Variants in RFLNA observed in about 807,000 individuals in gnomAD.
RFLNA encodes the protein refilin-A.
RFLNA carries 5 observed loss-of-function variants against 7.8 expected under a neutral mutation model. The ratio of observed to expected loss-of-function variants is 0.64; its 90% CI spans 0.34 to 1.35. The LOEUF (loss-of-function observed/expected upper bound fraction) is 1.35, where lower values mean the gene tolerates loss of function less well. RFLNA is among the 40% of genes most tolerant of loss of function. The pLI is 0.04. For synonymous variants in RFLNA, 141 were observed against 131.3 expected, an observed-to-expected ratio of 1.07 and a Z score of -0.50; for missense variants, 278 against 305.5, an observed-to-expected ratio of 0.91 and a Z score of 0.67.
At position 124,289,553 on chromosome 12, in the gene RFLNA, C is replaced by G. The variant is rs552432658; in HGVS notation, c.-37+183C>G. ...AGAACGTATGCCCAGGTCAAAGGCA[C>G]TTTGAATTCATTTTGTCCCCGCTTC... On this transcript the variant is annotated intron_variant, in intron 1 of 2. Transcript: ENST00000324038. This position sits in a 1 kb window ranked among gnomAD's most constrained non-coding sequence, Gnocchi z 5.0. 6.6e-6 allele frequency among the ~76,000 whole-genome samples: 1 copy of G among 152,328 alleles called. No homozygotes were observed. Among genetic ancestry groups the G allele is most frequent in the African/African-American group, 2.4e-5 (1 of 41,574 alleles).
chr12:124,309,239 C>T (rs748420028), intron 1 of RFLNA, among the ~76,000 whole-genome samples: 3 of 152,186 alleles, frequency 2.0e-5, no homozygotes, highest in Non-Finnish European at 2.9e-5. Flanking sequence ...TGGCACTGCA[C>T]AGGGAAGCAC....
Position 124,289,570 on chromosome 12 carries a change from C to T in RFLNA, c.-37+200C>T, listed in dbSNP as rs1034860582. 5.9e-5 allele frequency among the ~76,000 whole-genome samples: 9 copies of T among 152,228 alleles called. No homozygotes were observed. The highest frequency in any genetic ancestry group is 2.2e-4 in the African/African-American group (9 of 41,456). On this transcript the variant is annotated intron_variant, in intron 1 of 2. Coordinates refer to the RFLNA transcript ENST00000324038. The surrounding 1 kb of genome is among the most constrained non-coding windows in gnomAD (Gnocchi z 5.0). ...CAAAGGCACTTTGAATTCATTTTGT[C>T]CCCGCTTCCCTGTCTTAGTAGGGCA... is the stretch of plus-strand genomic sequence containing the variant.
At chr12:124,312,550 A>G (rs2034264770) in intron 2 of RFLNA, among the ~76,000 whole-genome samples, 1 of 152,002 alleles carries the variant, frequency 6.6e-6, no homozygotes, top group Non-Finnish European at 1.5e-5. Flanking sequence ...GGCTCAAGTG[A>G]TCCTCCTGCC....
chr12:124,304,410 G>T (rs1415347073), intron 1 of RFLNA, among the ~76,000 whole-genome samples: 1 of 150,738 alleles, frequency 6.6e-6, no homozygotes, highest in Non-Finnish European at 1.5e-5. Flanking sequence ...GGACCCTTTG[G>T]CAAATGGTGC....
intron 1 of RFLNA, among the ~76,000 whole-genome samples, chr12:124,304,690 C>A (rs1222340298): frequency 6.6e-6 from 1 of 152,224 alleles, no homozygotes; most frequent in Non-Finnish European, 1.5e-5. Context: ...CCTGGCAGCG[C>A]GTGGGTGGGT....
chr12:124,302,191 A>T (rs574679763), intron 1 of RFLNA, among the ~76,000 whole-genome samples: 1 of 152,336 alleles, frequency 6.6e-6, no homozygotes, highest in Non-Finnish European at 1.5e-5. Flanking sequence ...CTTTCCAAAT[A>T]AGGTGACAGT....
intron 1 of RFLNA, among the ~76,000 whole-genome samples, chr12:124,302,470 C>G (rs995106876): frequency 3.9e-5 from 6 of 152,164 alleles, no homozygotes; most frequent in African/African-American, 1.4e-4. Context: ...GGGATCCCCC[C>G]CAAGCAGACT....
chr12:124,293,612 G>A (rs191425088), upstream of RFLNA, among the ~76,000 whole-genome samples: 420 of 152,272 alleles, frequency 2.8e-3, 10 homozygotes, highest in Admixed American at 0.025. Flanking sequence ...TTCCCAGAAT[G>A]TTCCAAATAT....
intron 1 of RFLNA, among the ~76,000 whole-genome samples, chr12:124,297,755 A>T (rs1008782985): frequency 6.6e-6 from 1 of 152,190 alleles, no homozygotes; most frequent in Non-Finnish European, 1.5e-5. Context: ...TGCTTTCAAT[A>T]AAAGGGAGAA....
intron 2 of RFLNA, among the ~76,000 whole-genome samples, 198 bp from the exon 3 acceptor site, chr12:124,313,994 C>T (rs1446215183): frequency 1.3e-5 from 2 of 152,206 alleles, no homozygotes; most frequent in East Asian, 3.8e-4. Context: ...GTTTAGCTGT[C>T]TCGCCTCTTT....
rs898359357 is a variant in RFLNA at position 124,306,670 on chromosome 12, G to C, written c.208-5148G>C. Among the ~76,000 whole-genome samples, 15 of 152,208 alleles carry C rather than the reference G, an allele frequency of 9.9e-5. No individual in the cohort carries two copies. Among genetic ancestry groups the C allele is most frequent in the Non-Finnish European group, 2.2e-4 (15 of 68,036 alleles). ...TCCACATGTGGAAAATGGGGGTGCT[G>C]CCAGCAGCTGCGTGCTGGGGTTTTT... On this transcript the variant is annotated intron_variant, in intron 1 of 2. Coordinates refer to ENST00000546355, the MANE Select transcript of RFLNA (RefSeq NM_001365156.1). The surrounding 1 kb of genome is among the most constrained non-coding windows in gnomAD (Gnocchi z 5.2).
rs2034251793 is a variant in RFLNA, at chr12:124,311,922, G to A, written c.312G>A (p.Glu104=). The A allele has an allele frequency of 2.0e-6, 3 of 1,538,068 alleles. No homozygotes were observed. Among genetic ancestry groups the A allele is most frequent in the Non-Finnish European group, 2.6e-6 (3 of 1,137,972 alleles). The part of the protein sequence containing the change: ...SIKVNPEPTH[E]IRCNSEVKYA... The stretch of plus-strand genomic sequence containing the variant: ...AGGTGAACCCGGAACCCACGCATGA[G>A]ATCCGGTGAGTGGGCCACTGGGCTC... Residue 104 remains glutamate, a synonymous_variant, in exon 2 of 3, where the codon GAG becomes GAA. Coordinates refer to ENST00000546355, the MANE Select transcript of RFLNA (RefSeq NM_001365156.1).
chr12:124,300,211 A>T (rs777041010), intron 1 of RFLNA, among the ~76,000 whole-genome samples: 3 of 152,208 alleles, frequency 2.0e-5, no homozygotes, highest in Non-Finnish European at 4.4e-5. Flanking sequence ...CCTGGACTGC[A>T]CCCACAGCTG....
intron 1 of RFLNA, among the ~76,000 whole-genome samples, chr12:124,308,431 TG>T (rs141607639): frequency 3.3e-5 from 5 of 151,862 alleles, no homozygotes; most frequent in South Asian, 2.1e-4. Flanking sequence ...ACATGGGCTT[TG>T]GGGGGGGACC....
intron 1 of RFLNA, among the ~76,000 whole-genome samples, chr12:124,304,778 T>C (rs1380556009): frequency 1.3e-5 from 2 of 152,150 alleles, no homozygotes; most frequent in African/African-American, 4.8e-5. Context: ...CCCCAAACCT[T>C]AGTGCTCATG....
At chr12:124,307,652 C>A (rs768891848) in intron 1 of RFLNA, among the ~76,000 whole-genome samples, 1 of 152,216 alleles carries the variant, frequency 6.6e-6, no homozygotes, top group South Asian at 2.1e-4. Flanking sequence ...TCAGCCAGCC[C>A]CGGTGCCTTC....
intron 1 of RFLNA, among the ~76,000 whole-genome samples, chr12:124,302,813 G>GGGGCCGAGGTCGGGGCCGAGGTCAGA (rs2034065018): frequency 4.4e-5 from 3 of 68,400 alleles, no homozygotes; most frequent in African/African-American, 1.2e-4. Flanking sequence ...GCTGAGGTCA[G>GGGGCCGAGGTCGGGGCCGAGGTCAGA]GGGCCGAGGT....
chr12:124,300,881 T>G (rs538510169), intron 1 of RFLNA, among the ~76,000 whole-genome samples: 1 of 145,968 alleles, frequency 6.9e-6, no homozygotes, highest in East Asian at 2.1e-4. Context: ...GATGAATAGA[T>G]GGGCAAATAG....
rs141390800 is a variant in RFLNA, at chr12:124,305,338, G to A, written c.208-6480G>A. On this transcript the variant is annotated intron_variant, in intron 1 of 2. Coordinates refer to ENST00000546355, the MANE Select transcript of RFLNA (RefSeq NM_001365156.1). ...TCAGCTGTGCCGAAGCCTGGGAGGC[G>A]GGTCCTCCTAACGGCCCACTTCAGA... Among the ~76,000 whole-genome samples the A allele has an allele frequency of 5.3e-4, 81 of 152,218 alleles. 1 individual carries two copies. Among genetic ancestry groups the A allele is most frequent in the Middle Eastern group, 3.4e-3 (1 of 294 alleles).
Sources: gnomAD v4.1 joint callset for allele counts (sites outside exome capture counted in the v4.1 genomes callset) on GRCh38, gnomAD v4.1.1 for gene constraint, Gnocchi (gnomAD v3.1) non-coding constraint, MANE v1.5 for transcripts, NCBI Gene and HGNC (gene_info 2026-07-23, HGNC 2026-07-21) for gene names.